The following VPS50 variants were observed in gnomAD, a reference collection of about 807,000 sequenced individuals.
The protein encoded by VPS50 is VPS50 subunit of EARP/GARPII complex, also known as syndetin.
A neutral mutation model predicts 139.7 loss-of-function variants in VPS50; 70 were observed. The observed-to-expected ratio is 0.50, with a 90% CI of 0.41 to 0.61. The LOEUF is 0.61. Among genes scored for constraint, VPS50 ranks in the 20% least tolerant of loss-of-function variants. VPS50 has a pLI of 0.00. For missense variants in VPS50, 921 were observed against 1,133.7 expected (o/e 0.81, Z 2.69); for synonymous variants, 365 against 376.7 (o/e 0.97, Z 0.36).
chr7:93,295,905 TGGTGGA>T, intron 14 of VPS50, among the ~76,000 whole-genome samples: 1 of 152,066 alleles, frequency 6.6e-6, no homozygotes, highest in African/African-American at 2.4e-5. Context: ...AAATTATTAT[TGGTGGA>T]TATGGGGTCT....
At chr7:93,267,672 G>A (rs1303867789) in intron 9 of VPS50, among the ~76,000 whole-genome samples, 1 of 152,098 alleles carries the variant, frequency 6.6e-6, no homozygotes, top group Non-Finnish European at 1.5e-5. Context: ...ACTTAGCAGG[G>A]AAGGACTTCC....
chr7:93,326,689 TTTAAAA>T (rs1383433812), intron 21 of VPS50, among the ~76,000 whole-genome samples: 1 of 152,052 alleles, frequency 6.6e-6, no homozygotes, highest in Non-Finnish European at 1.5e-5. Context: ...AATTTGATAC[TTTAAAA>T]TTAATTATGT....
intron 9 of VPS50, among the ~76,000 whole-genome samples, chr7:93,266,123 A>G (rs1322146093): frequency 6.6e-6 from 1 of 152,232 alleles, no homozygotes; most frequent in Non-Finnish European, 1.5e-5. Flanking sequence ...TGATTTAAAC[A>G]GACTGGAACG....
chr7:93,239,330 A>G (rs1359937789), intron 1 of VPS50, among the ~76,000 whole-genome samples: 1 of 152,206 alleles, frequency 6.6e-6, no homozygotes. Context: ...GCACCAAAGA[A>G]CTAAAGGACA....
rs1387496051 is a variant in VPS50 at position 93,359,110 on chromosome 7, G to GT, written c.*678dup. ...CTTTTAGTGTGTTCTAATTTTAATT[G>GT]TTTTATATCCTGAAACCAATGGTGA... is the stretch of plus-strand genomic sequence containing the variant. On this transcript the variant is annotated 3_prime_UTR_variant, in exon 28 of 28. Transcript: ENST00000305866. The GT allele has an allele frequency of 6.6e-6, 1 of 152,066 alleles. No individual in the cohort carries two copies. Among genetic ancestry groups the GT allele is most frequent in the Non-Finnish European group, 1.5e-5 (1 of 67,990 alleles). 9.4% of individuals were successfully genotyped at this position (152,066 alleles called of 1,614,324 possible).
intron 2 of VPS50, among the ~76,000 whole-genome samples, chr7:93,244,201 T>A (rs904837306): frequency 1.3e-5 from 2 of 151,884 alleles, no homozygotes; most frequent in African/African-American, 4.8e-5. Context: ...CAACAAATAT[T>A]TATTGAGTAC....
intron 21 of VPS50, among the ~76,000 whole-genome samples, chr7:93,332,374 G>A (rs1437736120): frequency 6.6e-6 from 1 of 152,132 alleles, no homozygotes; most frequent in African/African-American, 2.4e-5. Flanking sequence ...CATGACCTCA[G>A]CTAAAGCTGA....
intron 11 of VPS50, among the ~76,000 whole-genome samples, chr7:93,275,599 G>T (rs1796130305): frequency 6.6e-6 from 1 of 152,042 alleles, no homozygotes; most frequent in South Asian, 2.1e-4. Context: ...ACACACTTTA[G>T]ACTATAGAAC....
intron 12 of VPS50, among the ~76,000 whole-genome samples, chr7:93,285,151 C>A (rs967894866): frequency 1.3e-5 from 2 of 152,082 alleles, no homozygotes; most frequent in Non-Finnish European, 2.9e-5. Context: ...ATACTGATAA[C>A]CAACCCTTTG....
At chr7:93,243,863 A>G (rs1307693420) in intron 2 of VPS50, among the ~76,000 whole-genome samples, 1 of 151,916 alleles carries the variant, frequency 6.6e-6, no homozygotes, top group African/African-American at 2.4e-5. Flanking sequence ...CTTTATTAAT[A>G]TACACTTTCC....
chr7:93,307,747 T>C (rs752609992), intron 18 of VPS50, among the ~76,000 whole-genome samples: 8 of 151,934 alleles, frequency 5.3e-5, no homozygotes, highest in Non-Finnish European at 1.0e-4. Flanking sequence ...GATCACATTG[T>C]GTATAAGTAT....
intron 4 of VPS50, among the ~76,000 whole-genome samples, chr7:93,254,653 T>A (rs1795435271): frequency 6.6e-6 from 1 of 152,160 alleles, no homozygotes; most frequent in South Asian, 2.1e-4. Flanking sequence ...GTTGAGTAAA[T>A]CATTTAACCT....
intron 23 of VPS50, among the ~76,000 whole-genome samples, chr7:93,345,215 A>T (rs1468516575): frequency 6.6e-6 from 1 of 152,250 alleles, no homozygotes; most frequent in East Asian, 1.9e-4. Context: ...ACGCAAATAA[A>T]CTAGAAAATC....
At chr7:93,283,654 G>A (rs1307868806) in intron 12 of VPS50, among the ~76,000 whole-genome samples, 1 of 152,126 alleles carries the variant, frequency 6.6e-6, no homozygotes, top group South Asian at 2.1e-4. Flanking sequence ...TATGATCAGA[G>A]GTAGAATAAG....
intron 15 of VPS50, 40 bp from the exon 16 acceptor site, chr7:93,297,105 G>C (rs1475381986): frequency 1.3e-6 from 2 of 1,540,818 alleles, no homozygotes; most frequent in African/African-American, 2.9e-5. Context: ...TCTCTATAAG[G>C]CTGCTGCTGA....
rs552459982 is a variant in VPS50 at position 93,294,905 on chromosome 7, C to A, written c.1167+269C>A. 9.9e-5 allele frequency among the ~76,000 whole-genome samples: 15 copies of A among 152,228 alleles called. No homozygotes were observed. In the South Asian group the frequency reaches 3.1e-3, roughly 32 times the overall value. Reference sequence around the variant, plus strand: ...GTTTTAGAGGCCTAGCAAATTTCCACTATCATAGAGAAATGTATGCTTTCT... The same window carrying A: ...GTTTTAGAGGCCTAGCAAATTTCCAATATCATAGAGAAATGTATGCTTTCT... On this transcript the variant is annotated intron_variant, in intron 14 of 27. Transcript: ENST00000305866.
chr7:93,271,335 T>G (rs1382322911), intron 10 of VPS50, 73 bp downstream of exon 10: 3 of 1,440,984 alleles, frequency 2.1e-6, no homozygotes, highest in East Asian at 5.4e-5. Context: ...GGTGCAACAT[T>G]GTGTTTTGGC....
At chr7:93,271,368 C>G (rs1009698891) in intron 10 of VPS50, 106 bp downstream of exon 10, 3 of 1,341,848 alleles carry the variant, frequency 2.2e-6, no homozygotes, top group Non-Finnish European at 2.9e-6. Flanking sequence ...ACCAATGTCT[C>G]TAGATCACTG....
intron 19 of VPS50, 131 bp from the exon 20 acceptor site, chr7:93,311,035 A>G (rs940096108): frequency 6.8e-5 from 42 of 619,520 alleles, no homozygotes; most frequent in South Asian, 1.2e-4. Context: ...GTTAATTTCT[A>G]TATCTTTACC....
Sources: allele counts gnomAD v4.1 joint callset (sites outside exome capture counted in the v4.1 genomes callset), GRCh38; gene constraint gnomAD v4.1.1; transcripts MANE v1.5; gene names NCBI Gene and HGNC (gene_info 2026-07-23, HGNC 2026-07-21).